Variants in RIGI observed in about 807,000 individuals in gnomAD.
RIGI encodes antiviral innate immune response receptor RIG-I.
chr9:32,488,809 A>G, the RIGI span: 1 of 1,613,476 alleles, frequency 6.2e-7, no homozygotes, highest in Admixed American at 1.7e-5. Context: ...AAAAAAGACA[A>G]CTTTCCCCTT....
chr9:32,474,683 C>T, the RIGI span, among the ~76,000 whole-genome samples: 7 of 152,152 alleles, frequency 4.6e-5, no homozygotes, highest in African/African-American at 1.7e-4. Context: ...CCCAGTCAAG[C>T]CATGGCCAGC....
chr9:32,520,647 T>C, the RIGI span, among the ~76,000 whole-genome samples: 1 of 152,218 alleles, frequency 6.6e-6, no homozygotes, highest in East Asian at 1.9e-4. Context: ...AGGGCTGATT[T>C]TGAGTTATAA....
chr9:32,522,333 C>T, the RIGI span, among the ~76,000 whole-genome samples: 2 of 152,166 alleles, frequency 1.3e-5, no homozygotes, highest in Non-Finnish European at 2.9e-5. Context: ...TTCTCTCTCC[C>T]TAATTTCTCC....
chr9:32,525,945 C>A, the RIGI span: 1 of 849,458 alleles, frequency 1.2e-6, no homozygotes, highest in Non-Finnish European at 1.9e-6. Context: ...GAGATCTTAC[C>A]ACAAACCTGG....
the RIGI span, among the ~76,000 whole-genome samples, chr9:32,501,751 C>G: frequency 6.6e-6 from 1 of 152,110 alleles, no homozygotes; most frequent in Non-Finnish European, 1.5e-5. Context: ...TGGTGAACCA[C>G]TATATTCTCA....
chr9:32,464,846 TGTAA>T, the RIGI span, among the ~76,000 whole-genome samples: 5 of 152,220 alleles, frequency 3.3e-5, no homozygotes, highest in Non-Finnish European at 7.3e-5. Context: ...CCTATCTATC[TGTAA>T]GTGTTACGGG....
At chr9:32,511,777 A>T in the RIGI span, among the ~76,000 whole-genome samples, 1 of 152,214 alleles carries the variant, frequency 6.6e-6, no homozygotes, top group Non-Finnish European at 1.5e-5. Flanking sequence ...CCTTCAAAAA[A>T]ATCAGTGAAT....
At chr9:32,492,610 A>G in the RIGI span, 2 of 1,544,926 alleles carry the variant, frequency 1.3e-6, no homozygotes, top group Non-Finnish European at 1.8e-6. Flanking sequence ...TTACTGAAGA[A>G]ATGTCAGTCA....
At chr9:32,465,495 C>T in the RIGI span, among the ~76,000 whole-genome samples, 3 of 152,160 alleles carry the variant, frequency 2.0e-5, no homozygotes, top group Admixed American at 6.6e-5. Flanking sequence ...TTCTTGGGCA[C>T]GTATTTTATG....
the RIGI span, among the ~76,000 whole-genome samples, chr9:32,475,508 T>C: frequency 1.7e-4 from 26 of 151,888 alleles, no homozygotes; most frequent in African/African-American, 5.8e-4. Flanking sequence ...TCCATGCAAA[T>C]ATAGTCAACT....
the RIGI span, among the ~76,000 whole-genome samples, chr9:32,482,245 A>G: frequency 6.6e-6 from 1 of 152,018 alleles, no homozygotes; most frequent in East Asian, 1.9e-4. Context: ...CTGTGTACCA[A>G]GAATCAAAGT....
chr9:32,457,478 T>A, the RIGI span: 1 of 1,228,752 alleles, frequency 8.1e-7, no homozygotes, highest in Non-Finnish European at 1.1e-6. Flanking sequence ...TACATAATTG[T>A]GATTTAAAAA....
chr9:32,521,152 A>AAAAAC, the RIGI span, among the ~76,000 whole-genome samples: 2 of 150,524 alleles, frequency 1.3e-5, no homozygotes, highest in African/African-American at 4.9e-5. Context: ...AAAAAAAAAA[A>AAAAAC]AAAAAAAAAA....
the RIGI span, among the ~76,000 whole-genome samples, chr9:32,486,486 G>A: frequency 2.7e-5 from 4 of 148,208 alleles, no homozygotes; most frequent in East Asian, 4.0e-4. Flanking sequence ...AGTAGTACAC[G>A]CAAAGTGTCA....
the RIGI span, among the ~76,000 whole-genome samples, chr9:32,473,261 A>G: frequency 6.6e-6 from 1 of 150,816 alleles, no homozygotes; most frequent in Non-Finnish European, 1.5e-5. Flanking sequence ...GATCTCTGTA[A>G]CCTGATATGG....
At chr9:32,506,016 A>C in the RIGI span, among the ~76,000 whole-genome samples, 5 of 152,192 alleles carry the variant, frequency 3.3e-5, no homozygotes, top group African/African-American at 1.2e-4. Context: ...CAGGAGTTCA[A>C]GACCATCCTG....
the RIGI span, among the ~76,000 whole-genome samples, chr9:32,495,243 C>G: frequency 2.0e-5 from 3 of 152,100 alleles, no homozygotes; most frequent in African/African-American, 7.2e-5. Flanking sequence ...GCTCTGTCAC[C>G]CAGGCTAGAG....
At chr9:32,457,937 C>T in the RIGI span, among the ~76,000 whole-genome samples, 2 of 152,124 alleles carry the variant, frequency 1.3e-5, no homozygotes, top group East Asian at 1.9e-4. Flanking sequence ...CTCAGGAAAA[C>T]ATAGGGTCTA....
the RIGI span, among the ~76,000 whole-genome samples, chr9:32,504,540 T>C: frequency 1.3e-5 from 2 of 151,272 alleles, no homozygotes; most frequent in African/African-American, 2.4e-5. Context: ...TAGCCGGGCA[T>C]GGTGGCCAGT....
Sources: allele counts gnomAD v4.1 joint callset (sites outside exome capture counted in the v4.1 genomes callset), GRCh38; gene constraint gnomAD v4.1.1; transcripts MANE v1.5; gene names NCBI Gene and HGNC (gene_info 2026-07-23, HGNC 2026-07-21).